ITSN1: variants seen among roughly 807,000 people sequenced by gnomAD.
ITSN1 encodes intersectin-1.
ITSN1 carries 58 observed loss-of-function variants against 239.8 expected under a neutral mutation model. The ratio of observed to expected loss-of-function variants is 0.24; its 90% CI spans 0.20 to 0.30. ITSN1 has a LOEUF of 0.30. Ranked by LOEUF, ITSN1 falls within the 10% of genes least tolerant of loss-of-function variation. The pLI is 1.00. For missense variants in ITSN1, 1,558 were observed against 2,103.3 expected, an observed-to-expected ratio of 0.74 and a Z score of 5.07; for synonymous variants, 780 against 770.8, an observed-to-expected ratio of 1.01 and a Z score of -0.20.
intron 22 of ITSN1, chr21:33,814,522 A>T (rs1265889493): frequency 6.3e-6 from 1 of 159,370 alleles, no homozygotes; most frequent in African/African-American, 2.4e-5. Flanking sequence ...AGGCTCTGAA[A>T]TGCCCTGCTC....
At chr21:33,691,710 C>T (rs1444523095) in intron 1 of ITSN1, among the ~76,000 whole-genome samples, 2 of 152,114 alleles carry the variant, frequency 1.3e-5, no homozygotes, top group African/African-American at 4.8e-5. Context: ...ATCAAGATGC[C>T]GACAGATTTA....
At position 33,859,533 on chromosome 21, in the gene ITSN1, C is replaced by T. The variant is rs568068881; in HGVS notation, c.3890+741C>T. On this transcript the variant is annotated intron_variant, in intron 31 of 39. Coordinates refer to ENST00000381318, the MANE Select transcript of ITSN1 (RefSeq NM_003024.3). ...AGAACACAGATTAAGTCACAGCCTG[C>T]AGGGCGCGTGATATTCCCTGCTGGG... Among the ~76,000 whole-genome samples the T allele has an allele frequency of 2.6e-5, 4 of 152,314 alleles. No individual in the cohort carries two copies. In the South Asian group the frequency reaches 6.2e-4, roughly 24 times the overall value.
Position 33,774,956 on chromosome 21 carries a change from C to T in ITSN1, c.1456-12C>T. 1 of 1,604,940 alleles carries T rather than the reference C, an allele frequency of 6.2e-7. No individual in the cohort carries two copies. The highest frequency in any genetic ancestry group is 1.1e-5 in the South Asian group (1 of 89,020). ...AACAGTAATAATTTTTATTATCTTT[C>T]ATTTGTTCAAGAATGATAAAAAGCA... On this transcript the variant is annotated splice_polypyrimidine_tract_variant and intron_variant, in intron 13 of 39. Coordinates refer to ENST00000381318, the MANE Select transcript of ITSN1 (RefSeq NM_003024.3).
In ITSN1 at chr21:33,883,344, T is replaced by TA. The variant is rs1418796521; in HGVS notation, c.4555-205dup. Among the ~76,000 whole-genome samples, 4 of 152,322 alleles carry TA rather than the reference T, an allele frequency of 2.6e-5. No homozygotes were observed. The East Asian group carries it at 7.7e-4, about 29-fold the overall frequency. The stretch of plus-strand genomic sequence containing the variant: ...CTTTACTGGAAAACACACACGCCCT[T>TA]AGTCTGGTTTACTGGAACACACCCA... On this transcript the variant is annotated intron_variant, in intron 35 of 39. Coordinates refer to ENST00000381318, the MANE Select transcript of ITSN1 (RefSeq NM_003024.3).
At chr21:33,790,693 A>T (rs2071054614) in intron 16 of ITSN1, among the ~76,000 whole-genome samples, 1 of 152,208 alleles carries the variant, frequency 6.6e-6, no homozygotes. Context: ...AATAACTGTG[A>T]CAAATTCCAT....
Position 33,759,926 on chromosome 21 carries a change from C to G in ITSN1, c.725-1997C>G, listed in dbSNP as rs1247828703. On this transcript the variant is annotated intron_variant, in intron 8 of 39. Transcript: ENST00000381318. ...ACCAGCTTGGCCAACATGGGGAAAC[C>G]CTGTCTCTACTAAAAAAAATAGAAA... is the stretch of plus-strand genomic sequence containing the variant. Among the ~76,000 whole-genome samples, 5 of 151,724 alleles carry G rather than the reference C, an allele frequency of 3.3e-5. No individual in the cohort carries two copies. The East Asian group carries it at 9.7e-4, about 29-fold the overall frequency.
chr21:33,747,410 C>T (rs879395514), intron 5 of ITSN1, among the ~76,000 whole-genome samples: 5 of 151,906 alleles, frequency 3.3e-5, no homozygotes, highest in African/African-American at 1.2e-4. Flanking sequence ...GAGAAAGGTA[C>T]AGAAAAATAT....
At chr21:33,695,400 T>G (rs1218575016) in intron 1 of ITSN1, among the ~76,000 whole-genome samples, 3 of 152,328 alleles carry the variant, frequency 2.0e-5, no homozygotes, top group South Asian at 2.1e-4. Flanking sequence ...TAGGAAAAGC[T>G]TTGTTAGAGA....
chr21:33,696,163 T>C (rs577612606), intron 1 of ITSN1, among the ~76,000 whole-genome samples: 10 of 152,322 alleles, frequency 6.6e-5, no homozygotes, highest in African/African-American at 2.4e-4. Flanking sequence ...TGACTTTTCA[T>C]TGATGTTGCA....
At chr21:33,671,552 C>T (rs985948147) in intron 1 of ITSN1, among the ~76,000 whole-genome samples, 12 of 152,032 alleles carry the variant, frequency 7.9e-5, no homozygotes, top group Admixed American at 2.6e-4. Flanking sequence ...CCGCTGTGCC[C>T]GGCCTGTTTT....
intron 7 of ITSN1, among the ~76,000 whole-genome samples, chr21:33,752,990 A>T (rs1246507611): frequency 2.0e-5 from 3 of 152,196 alleles, no homozygotes; most frequent in African/African-American, 7.2e-5. Flanking sequence ...AAAATCCATA[A>T]ACTGAAAAGC....
At chr21:33,772,460 A>C (rs980839520) in intron 12 of ITSN1, 137 bp downstream of exon 12, 3 of 1,057,216 alleles carry the variant, frequency 2.8e-6, no homozygotes, top group Non-Finnish European at 4.1e-6. Flanking sequence ...TTGTGCAACC[A>C]TCGTCCCTAA....
intron 33 of ITSN1, among the ~76,000 whole-genome samples, chr21:33,873,702 T>C (rs974024654): frequency 6.6e-5 from 10 of 151,774 alleles, no homozygotes; most frequent in Middle Eastern, 3.4e-3. Context: ...GAGACCCCCG[T>C]CTCCACTAAA....
chr21:33,883,133 G>T (rs576654178), intron 35 of ITSN1, among the ~76,000 whole-genome samples: 86 of 152,316 alleles, frequency 5.6e-4, no homozygotes, highest in African/African-American at 1.9e-3. Flanking sequence ...GGAGGGAATT[G>T]CTTGATGTAA....
chr21:33,709,029 C>T (rs984622651), intron 1 of ITSN1, among the ~76,000 whole-genome samples: 1 of 152,242 alleles, frequency 6.6e-6, no homozygotes, highest in Admixed American at 6.6e-5. Flanking sequence ...ACACCAATCC[C>T]AAAAGGCCTT....
chr21:33,732,249 C>T (rs1352777881), intron 4 of ITSN1, among the ~76,000 whole-genome samples: 1 of 152,132 alleles, frequency 6.6e-6, no homozygotes, highest in Non-Finnish European at 1.5e-5. Context: ...TAAGAGCCTC[C>T]TTTATCAGTC....
chr21:33,687,525 A>G (rs2091310185), intron 1 of ITSN1, among the ~76,000 whole-genome samples: 1 of 152,140 alleles, frequency 6.6e-6, no homozygotes, highest in East Asian at 1.9e-4. Context: ...AATCTGTAGA[A>G]CTTGAAGGCC....
intron 5 of ITSN1, among the ~76,000 whole-genome samples, chr21:33,740,341 A>G (rs1253872852): frequency 1.3e-5 from 2 of 152,198 alleles, no homozygotes; most frequent in African/African-American, 4.8e-5. Flanking sequence ...TGTAGACCCA[A>G]GCCTTGATGT....
chr21:33,771,986 A>G (rs2069200062), intron 11 of ITSN1, 75 bp from the exon 12 acceptor site: 2 of 1,531,780 alleles, frequency 1.3e-6, no homozygotes, highest in Non-Finnish European at 1.8e-6. Flanking sequence ...TTTCAAATAC[A>G]TTGGTGAGTT....
Sources: allele counts gnomAD v4.1 joint callset (sites outside exome capture counted in the v4.1 genomes callset), GRCh38; gene constraint gnomAD v4.1.1; transcripts MANE v1.5; gene names NCBI Gene and HGNC (gene_info 2026-07-23, HGNC 2026-07-21).